The following CNTN5 variants were observed in gnomAD, a reference collection of about 807,000 sequenced individuals.
CNTN5 encodes the protein contactin 5.
CNTN5 carries 77 observed loss-of-function variants against 129.1 expected under a neutral mutation model. The ratio of observed to expected loss-of-function variants is 0.60; its 90% CI spans 0.50 to 0.72. The LOEUF is 0.72. Among genes scored for constraint, CNTN5 ranks in the 30% least tolerant of loss-of-function variants. The pLI, the probability that CNTN5 is intolerant of heterozygous loss-of-function variation, is 0.00. For missense variants in CNTN5, 1,478 were observed against 1,328.8 expected (o/e 1.11, Z -1.75); for synonymous variants, 509 against 465.6 (o/e 1.09, Z -1.20).
At chr11:99,118,430 T>C (rs1014179855) in intron 1 of CNTN5, among the ~76,000 whole-genome samples, 1 of 152,170 alleles carries the variant, frequency 6.6e-6, no homozygotes, top group African/African-American at 2.4e-5. Context: ...TCAGTACACA[T>C]TGGAGAGTGA....
rs371965885 is a variant in CNTN5, at chr11:100,084,711, T to C, written c.1580+10417T>C. On this transcript the variant is annotated intron_variant, in intron 13 of 24. Coordinates refer to ENST00000524871, the MANE Select transcript of CNTN5 (RefSeq NM_014361.4). ...GTAGGTAGGTAAGTAGGGAGATAGA[T>C]TGATAGTTAATAAAATACCTATACA... Among the ~76,000 whole-genome samples the C allele has an allele frequency of 1.1e-3, 172 of 152,242 alleles. 1 individual carries two copies. Among genetic ancestry groups the C allele is most frequent in the Middle Eastern group, 6.8e-3 (2 of 294 alleles).
intron 9 of CNTN5, among the ~76,000 whole-genome samples, chr11:100,013,917 T>G (rs894676945): frequency 2.0e-5 from 3 of 152,208 alleles, no homozygotes; most frequent in African/African-American, 7.2e-5. Flanking sequence ...AAAAGTAGTA[T>G]GTGTCTTACT....
At chr11:99,586,062 T>C (rs1253271179) in intron 3 of CNTN5, among the ~76,000 whole-genome samples, 2 of 152,204 alleles carry the variant, frequency 1.3e-5, no homozygotes, top group Non-Finnish European at 2.9e-5. Flanking sequence ...ATATCTCATA[T>C]CATGTATTTC....
intron 22 of CNTN5, 147 bp from the exon 23 acceptor site, chr11:100,340,946 C>T (rs1346549939): frequency 3.1e-6 from 2 of 654,372 alleles, no homozygotes; most frequent in African/African-American, 1.8e-5. Flanking sequence ...TGGAGCAAAA[C>T]CCTCCTTATC....
intron 1 of CNTN5, among the ~76,000 whole-genome samples, chr11:99,095,338 C>T (rs1469189624): frequency 2.6e-5 from 4 of 151,798 alleles, no homozygotes; most frequent in African/African-American, 9.7e-5. Flanking sequence ...ACTATTCTTG[C>T]CCCTGTAAAT....
At chr11:99,317,415 A>G (rs1865388455) in intron 1 of CNTN5, among the ~76,000 whole-genome samples, 1 of 152,170 alleles carries the variant, frequency 6.6e-6, no homozygotes. Flanking sequence ...GCTTGCTGCT[A>G]ATGGCAGAGC....
intron 1 of CNTN5, among the ~76,000 whole-genome samples, chr11:99,177,931 G>A (rs1181353114): frequency 6.6e-6 from 1 of 152,154 alleles, no homozygotes; most frequent in Non-Finnish European, 1.5e-5. Context: ...AAAAGCAGCA[G>A]CAGCAGTCAA....
At chr11:99,106,598 A>G (rs11218406) in intron 1 of CNTN5, among the ~76,000 whole-genome samples, 5,115 of 152,126 alleles carry the variant, frequency 0.034, 293 homozygotes, top group African/African-American at 0.11. Context: ...ATATAGACCT[A>G]TACACAGACA....
intron 3 of CNTN5, among the ~76,000 whole-genome samples, chr11:99,566,793 T>C (rs1031600120): frequency 6.6e-6 from 1 of 152,222 alleles, no homozygotes; most frequent in East Asian, 1.9e-4. Context: ...TTAGTATTTA[T>C]TCTTAGAATA....
chr11:99,179,427 G>A (rs939690781), intron 1 of CNTN5, among the ~76,000 whole-genome samples: 2 of 152,022 alleles, frequency 1.3e-5, no homozygotes, highest in Non-Finnish European at 2.9e-5. Context: ...GAGCGATAAA[G>A]CGAGACTCCC....
At chr11:99,101,328 T>A (rs1866725395) in intron 1 of CNTN5, among the ~76,000 whole-genome samples, 1 of 152,086 alleles carries the variant, frequency 6.6e-6, no homozygotes, top group Non-Finnish European at 1.5e-5. Flanking sequence ...GTCCCTGGCC[T>A]CTCCCAAATC....
chr11:99,947,238 A>T (rs1336467586), intron 7 of CNTN5, among the ~76,000 whole-genome samples: 1 of 151,662 alleles, frequency 6.6e-6, no homozygotes, highest in East Asian at 1.9e-4. Context: ...CAACTAAAAA[A>T]AACCCCAGCC....
At chr11:99,049,836 G>GA (rs1864357039) in intron 1 of CNTN5, 1 of 152,104 alleles carries the variant, frequency 6.6e-6, no homozygotes, top group African/African-American at 2.4e-5. Context: ...AAAAAGGACT[G>GA]AAAATCAAAT....
chr11:99,022,126 C>G (rs920590497), intron 1 of CNTN5, among the ~76,000 whole-genome samples: 8 of 152,184 alleles, frequency 5.3e-5, no homozygotes, highest in African/African-American at 1.9e-4. Flanking sequence ...ATGTTCAATG[C>G]CTTACCTACA....
intron 1 of CNTN5, among the ~76,000 whole-genome samples, chr11:99,199,480 C>A (rs1172931449): frequency 6.6e-6 from 1 of 152,120 alleles, no homozygotes; most frequent in Non-Finnish European, 1.5e-5. Flanking sequence ...AAAACAACAA[C>A]CCGACATTCT....
intron 6 of CNTN5, among the ~76,000 whole-genome samples, chr11:99,880,132 G>A (rs1339011700): frequency 1.3e-5 from 2 of 152,124 alleles, no homozygotes; most frequent in East Asian, 1.9e-4. Flanking sequence ...CACATGCATA[G>A]CGTGTGTTCA....
intron 3 of CNTN5, among the ~76,000 whole-genome samples, chr11:99,608,751 T>C (rs2135723168): frequency 6.6e-6 from 1 of 152,326 alleles, no homozygotes; most frequent in Admixed American, 6.5e-5. Context: ...AGTCAGCTAT[T>C]ACAGGCAGTA....
rs990625798 is a variant in CNTN5, at chr11:100,077,628, C to T, written c.1580+3334C>T. Among the ~76,000 whole-genome samples, 6 of 152,022 alleles carry T rather than the reference C, an allele frequency of 3.9e-5. No individual in the cohort carries two copies. In the East Asian group the frequency reaches 1.2e-3, roughly 29 times the overall value. On this transcript the variant is annotated intron_variant, in intron 13 of 24. Transcript: ENST00000524871. ...TTGAGCCCAGGAGTTTGAGACCAGC[C>T]TGTGCAACACAGCAAGACTCCTATC... is the stretch of plus-strand genomic sequence containing the variant.
At chr11:99,573,467 G>A (rs1013640385) in intron 3 of CNTN5, among the ~76,000 whole-genome samples, 2 of 151,952 alleles carry the variant, frequency 1.3e-5, no homozygotes, top group African/African-American at 4.8e-5. Flanking sequence ...CTATTCGGGA[G>A]GCTGAGGCAG....
Sources: allele counts gnomAD v4.1 joint callset (sites outside exome capture counted in the v4.1 genomes callset), GRCh38; gene constraint gnomAD v4.1.1; transcripts MANE v1.5; gene names NCBI Gene and HGNC (gene_info 2026-07-23, HGNC 2026-07-21).